SLC19A3: variants seen among roughly 807,000 people sequenced by gnomAD.
SLC19A3 encodes the protein thiamine transporter 2.
A neutral mutation model predicts 40.2 loss-of-function variants in SLC19A3; 31 were observed. The observed-to-expected ratio is 0.77, with a 90% CI of 0.58 to 1.04. The LOEUF is 1.04. SLC19A3 is among the 50% of genes least tolerant of loss of function. The pLI is 0.00. For missense variants in SLC19A3, 592 were observed against 596.7 expected (o/e 0.99, Z 0.08); for synonymous variants, 212 against 227.5 (o/e 0.93, Z 0.61).
At chr2:227,704,650 A>G (rs1057340941) in intron 1 of SLC19A3, among the ~76,000 whole-genome samples, 1 of 151,986 alleles carries the variant, frequency 6.6e-6, no homozygotes, top group African/African-American at 2.4e-5. Flanking sequence ...CAAAATTCCC[A>G]TTCTAAACTG....
rs769203232 is a variant in SLC19A3, at chr2:227,696,011, C to T, written c.1050G>A (p.Val350=). Residue 350 remains valine (V), a synonymous_variant, in exon 4 of 6, where the codon GTG becomes GTA. Transcript: ENST00000644224. ...NWDLLGELAL[V]VFSVVNAGSL... ...AACCGGCATTGACAACTGAGAAGAC[C>T]ACCAGAGCCAGCTCTCCCAGAAGGT... is the stretch of plus-strand genomic sequence containing the variant. The T allele has an allele frequency of 6.2e-7, 1 of 1,614,116 alleles. No individual in the cohort carries two copies. The highest frequency in any genetic ancestry group is 2.2e-5 in the East Asian group (1 of 44,878).
chr2:227,687,866 A>G (rs535551117), intron 5 of SLC19A3, among the ~76,000 whole-genome samples: 4 of 152,314 alleles, frequency 2.6e-5, no homozygotes, highest in African/African-American at 9.6e-5. Flanking sequence ...CCAAAAAAAC[A>G]CTAAAACTCA....
At chr2:227,688,591 T>C (rs965189720) in intron 4 of SLC19A3, among the ~76,000 whole-genome samples, 1 of 152,176 alleles carries the variant, frequency 6.6e-6, no homozygotes, top group African/African-American at 2.4e-5. Flanking sequence ...TGCTCCCTAA[T>C]GTAGATACAG....
At chr2:227,710,681 C>T (rs1696107482) in intron 1 of SLC19A3, among the ~76,000 whole-genome samples, 1 of 152,174 alleles carries the variant, frequency 6.6e-6, no homozygotes, top group Non-Finnish European at 1.5e-5. Flanking sequence ...ATGGACCCCA[C>T]TCCAAGCTAT....
chr2:227,716,262 C>A (rs75022190), intron 1 of SLC19A3, among the ~76,000 whole-genome samples: 1 of 152,150 alleles, frequency 6.6e-6, no homozygotes, highest in South Asian at 2.1e-4. Context: ...TTTCAATATT[C>A]CTGATCTATA....
intron 1 of SLC19A3, chr2:227,702,612 T>G (rs1264835612): frequency 2.7e-6 from 1 of 374,970 alleles, no homozygotes; most frequent in African/African-American, 2.1e-5. Flanking sequence ...AGGCTGGTCT[T>G]GAACTCCTGA....
In SLC19A3 at chr2:227,685,003, A is replaced by AAAAAAG. The variant is rs72239408; in HGVS notation, c.*2393_*2394insCTTTTT. On this transcript the variant is annotated 3_prime_UTR_variant, in exon 6 of 6. Transcript: ENST00000644224. ...ATCAAAAAAAAAAAAAAAAAAAAAA[A>AAAAAAG]AAGAAGAAGAAGAAAAAGAATAGCG... 1.3e-5 allele frequency: 2 copies of AAAAAAG among 149,882 alleles called. No homozygotes were observed. Among genetic ancestry groups the AAAAAAG allele is most frequent in the African/African-American group, 5.0e-5 (2 of 40,332 alleles). The allele number at this position is 149,882 out of a possible 1,614,324, so 9.3% of individuals were successfully genotyped here. A position where few individuals can be genotyped will look rare whatever the true frequency, so the allele number is the denominator to read the frequency against.
At chr2:227,709,573 T>G (rs1042442729) in intron 1 of SLC19A3, among the ~76,000 whole-genome samples, 3 of 152,022 alleles carry the variant, frequency 2.0e-5, no homozygotes, top group African/African-American at 7.3e-5. Flanking sequence ...GGTAAAGCCT[T>G]ATTTGGTCAG....
intron 3 of SLC19A3, among the ~76,000 whole-genome samples, chr2:227,697,590 C>G (rs887231066): frequency 1.3e-5 from 2 of 152,064 alleles, no homozygotes; most frequent in Non-Finnish European, 2.9e-5. Context: ...ACAAAACCCT[C>G]AGTGAGAATT....
At position 227,687,335 on chromosome 2, in the gene SLC19A3, T is replaced by G. The variant is rs562213489; in HGVS notation, c.*62A>C. 9.9e-6 allele frequency: 15 copies of G among 1,516,160 alleles called. No individual in the cohort carries two copies. The highest frequency in any genetic ancestry group is 3.5e-4 in the Middle Eastern group (2 of 5,694). 93.9% of individuals were successfully genotyped at this position (1,516,160 alleles called of 1,614,324 possible). On this transcript the variant is annotated 3_prime_UTR_variant, in exon 6 of 6. Coordinates refer to ENST00000644224, the MANE Select transcript of SLC19A3 (RefSeq NM_025243.4). ...TATGGCAAAACATATGCCACCCATCTCAAAATCTTTCCTTATTATTGCATA... is the reference window on the plus strand; with the variant it reads ...TATGGCAAAACATATGCCACCCATCGCAAAATCTTTCCTTATTATTGCATA...
intron 3 of SLC19A3, among the ~76,000 whole-genome samples, chr2:227,697,964 A>G (rs1397770697): frequency 6.6e-6 from 1 of 151,856 alleles, no homozygotes; most frequent in Non-Finnish European, 1.5e-5. Flanking sequence ...CTGTAGTCCC[A>G]GCTACTCAGG....
At chr2:227,707,005 T>G (rs1574573727) in intron 1 of SLC19A3, among the ~76,000 whole-genome samples, 1 of 152,056 alleles carries the variant, frequency 6.6e-6, no homozygotes, top group African/African-American at 2.4e-5. Flanking sequence ...ATTGAGGAGG[T>G]GAACCCTGAG....
chr2:227,708,107 T>C lies in SLC19A3; in HGVS notation c.-2-5787A>G, dbSNP rs904446875. ...TACTGCTGGCTCCCCTTCTTTGGGG[T>C]ACGTGGGGTGCCACAGCCTTTTGAA... On this transcript the variant is annotated intron_variant, in intron 1 of 5. Coordinates refer to ENST00000644224, the MANE Select transcript of SLC19A3 (RefSeq NM_025243.4). 9.8e-5 allele frequency among the ~76,000 whole-genome samples: 15 copies of C among 152,306 alleles called. No homozygotes were observed. The East Asian group carries it at 2.9e-3, about 29-fold the overall frequency.
intron 5 of SLC19A3, 126 bp from the exon 6 acceptor site, chr2:227,687,699 A>C (rs892273867): frequency 1.1e-6 from 1 of 882,930 alleles, no homozygotes; most frequent in East Asian, 2.6e-5. Flanking sequence ...AATATGGGTC[A>C]TTTAGGTTGA....
rs1695043354 is a variant in SLC19A3 at position 227,687,111 on chromosome 2, C to T, written c.*286G>A. 6.5e-6 allele frequency: 2 copies of T among 309,154 alleles called. No individual in the cohort carries two copies. Among genetic ancestry groups the T allele is most frequent in the South Asian group, 1.0e-4 (2 of 19,576 alleles). The allele number at this position is 309,154 out of a possible 1,614,324, so 19.2% of individuals were successfully genotyped here. ...GTTTGGTTCCACGCCATCTGCATGT[C>T]TTTACAAGTGATAAAAACCAGAATT... On this transcript the variant is annotated 3_prime_UTR_variant, in exon 6 of 6. Coordinates refer to ENST00000644224, the MANE Select transcript of SLC19A3 (RefSeq NM_025243.4).
At chr2:227,713,400 GTA>G (rs1491390804) in intron 1 of SLC19A3, among the ~76,000 whole-genome samples, 18 of 28,096 alleles carry the variant, frequency 6.4e-4, no homozygotes, top group Non-Finnish European at 1.2e-3. Flanking sequence ...AGACCCTGTT[GTA>G]AAAAAAAAAA....
At chr2:227,717,049 C>T (rs1696359565) in intron 1 of SLC19A3, among the ~76,000 whole-genome samples, 1 of 123,830 alleles carries the variant, frequency 8.1e-6, no homozygotes, top group Non-Finnish European at 1.6e-5. Context: ...GTCGCCCAGG[C>T]TGGAGTGCAG....
chr2:227,690,340 T>C (rs985679360), intron 4 of SLC19A3, among the ~76,000 whole-genome samples: 1 of 152,112 alleles, frequency 6.6e-6, no homozygotes, highest in Non-Finnish European at 1.5e-5. Flanking sequence ...GAAAATACAT[T>C]TCAAGACAGA....
chr2:227,698,198 T>C (rs934298403), intron 3 of SLC19A3, among the ~76,000 whole-genome samples: 1 of 152,028 alleles, frequency 6.6e-6, no homozygotes, highest in South Asian at 2.1e-4. Flanking sequence ...TCTCGCTCTG[T>C]CATCCAGGCT....
Sources: gnomAD v4.1 joint callset for allele counts (sites outside exome capture counted in the v4.1 genomes callset) on GRCh38, gnomAD v4.1.1 for gene constraint, MANE v1.5 for transcripts, NCBI Gene and HGNC (gene_info 2026-07-23, HGNC 2026-07-21) for gene names.